Variants in CTNNA3 observed in about 807,000 individuals in gnomAD.
CTNNA3 encodes the protein catenin alpha-3.
CTNNA3 carries 76 observed loss-of-function variants against 95.7 expected under a neutral mutation model. That is an observed-to-expected ratio of 0.79 (90% CI 0.66 to 0.96). The LOEUF (loss-of-function observed/expected upper bound fraction) is 0.96, where lower values mean the gene tolerates loss of function less well. CTNNA3 is among the 40% of genes least tolerant of loss of function. CTNNA3 has a pLI of 0.00. For synonymous variants in CTNNA3, 431 were observed against 374.4 expected (o/e 1.15, Z -1.74); for missense variants, 1,191 against 1,089.8 (o/e 1.09, Z -1.31).
intron 5 of CTNNA3, among the ~76,000 whole-genome samples, chr10:67,387,116 C>T (rs1039201222): frequency 3.3e-4 from 51 of 152,262 alleles, no homozygotes; most frequent in African/African-American, 1.1e-3. Flanking sequence ...ACGCAGAAGA[C>T]GGGTGATTTC....
At position 67,497,838 on chromosome 10, in the gene CTNNA3, T is replaced by C. The variant is rs188873361; in HGVS notation, c.579+24004A>G. Among the ~76,000 whole-genome samples the C allele has an allele frequency of 3.7e-3, 481 of 131,348 alleles. 15 individuals carry two copies. Among genetic ancestry groups the C allele is most frequent in the Admixed American group, 0.024 (319 of 13,526 alleles). The allele number at this position is 131,348 out of a possible 152,430, so 86.2% of individuals were successfully genotyped here. ...CTTATAGATTCTGGATGTTGGCCCT[T>C]TGTCAGATGGATAGGTTGCAAAAAT... On this transcript the variant is annotated intron_variant, in intron 5 of 17. Coordinates refer to ENST00000433211, the MANE Select transcript of CTNNA3 (RefSeq NM_013266.4).
At chr10:66,458,833 G>A (rs1219889863) in intron 11 of CTNNA3, among the ~76,000 whole-genome samples, 1 of 152,158 alleles carries the variant, frequency 6.6e-6, no homozygotes, top group East Asian at 1.9e-4. Flanking sequence ...CCCGTGAAGA[G>A]CATTTGGGCG....
intron 7 of CTNNA3, among the ~76,000 whole-genome samples, chr10:66,784,967 C>G (rs768263152): frequency 1.7e-4 from 26 of 152,130 alleles, no homozygotes; most frequent in Non-Finnish European, 2.9e-4. Context: ...AGGAGGTCGG[C>G]TACTTGCTGA....
chr10:67,348,936 C>G (rs530986051), intron 5 of CTNNA3, among the ~76,000 whole-genome samples: 1 of 152,224 alleles, frequency 6.6e-6, no homozygotes, highest in Non-Finnish European at 1.5e-5. Flanking sequence ...CAGACTATGT[C>G]ACAGTATCTA....
At chr10:65,998,671 G>A (rs1229475734) in intron 15 of CTNNA3, among the ~76,000 whole-genome samples, 1 of 152,146 alleles carries the variant, frequency 6.6e-6, no homozygotes, top group African/African-American at 2.4e-5. Flanking sequence ...AAATACAGTT[G>A]CTTAAGAAAA....
intron 5 of CTNNA3, among the ~76,000 whole-genome samples, chr10:67,338,763 G>A (rs930464386): frequency 2.0e-5 from 3 of 152,174 alleles, no homozygotes; most frequent in African/African-American, 7.2e-5. Context: ...ACTTAAGATG[G>A]ATGAGGTAAA....
chr10:66,746,016 T>C (rs926597101), intron 9 of CTNNA3, among the ~76,000 whole-genome samples: 1 of 152,144 alleles, frequency 6.6e-6, no homozygotes, highest in Non-Finnish European at 1.5e-5. Flanking sequence ...AATTGAGATA[T>C]CTGGTAGTCA....
At chr10:66,222,624 A>G (rs2054383) in intron 13 of CTNNA3, among the ~76,000 whole-genome samples, 12,338 of 135,624 alleles carry the variant, frequency 0.091, 636 homozygotes, top group Middle Eastern at 0.16. Flanking sequence ...AAGAAAGAAA[A>G]AGAAAGAAAG....
At chr10:67,050,792 T>C (rs1170527129) in intron 7 of CTNNA3, among the ~76,000 whole-genome samples, 3 of 152,246 alleles carry the variant, frequency 2.0e-5, no homozygotes, top group Non-Finnish European at 4.4e-5. Flanking sequence ...TAGGTTGTGA[T>C]TGATGTTGAT....
chr10:66,388,666 G>A (rs115801133), intron 11 of CTNNA3, among the ~76,000 whole-genome samples: 2,444 of 146,994 alleles, frequency 0.017, 70 homozygotes, highest in African/African-American at 0.06. Flanking sequence ...CATATGATAT[G>A]AAAAAATTAT....
At chr10:66,261,568 A>C (rs1455887453) in intron 13 of CTNNA3, among the ~76,000 whole-genome samples, 1 of 152,092 alleles carries the variant, frequency 6.6e-6, no homozygotes, top group African/African-American at 2.4e-5. Context: ...TCAGGGGTTA[A>C]CAAGAATTCT....
intron 7 of CTNNA3, among the ~76,000 whole-genome samples, chr10:67,126,578 C>CA (rs1445834890): frequency 6.6e-6 from 1 of 152,114 alleles, no homozygotes; most frequent in Non-Finnish European, 1.5e-5. Context: ...AAAAAGAATA[C>CA]AAAATTATAA....
At chr10:66,006,082 G>A (rs1426604002) in intron 15 of CTNNA3, among the ~76,000 whole-genome samples, 1 of 147,112 alleles carries the variant, frequency 6.8e-6, no homozygotes, top group Non-Finnish European at 1.5e-5. Flanking sequence ...GCACGATCTC[G>A]GCTCAGTGCA....
chr10:66,560,507 A>G (rs1376160012), intron 10 of CTNNA3, among the ~76,000 whole-genome samples: 1 of 152,090 alleles, frequency 6.6e-6, no homozygotes, highest in Non-Finnish European at 1.5e-5. Flanking sequence ...ACAGGTATCA[A>G]GAGTTCACAG....
chr10:66,690,861 T>C (rs988123149), intron 9 of CTNNA3, among the ~76,000 whole-genome samples: 5 of 152,292 alleles, frequency 3.3e-5, no homozygotes, highest in African/African-American at 7.2e-5. Context: ...CTGGGTCAAA[T>C]GGTATTTCTA....
chr10:66,057,647 G>A (rs1806785225), intron 15 of CTNNA3, among the ~76,000 whole-genome samples: 1 of 152,044 alleles, frequency 6.6e-6, no homozygotes, highest in Non-Finnish European at 1.5e-5. Context: ...TATTTACAGG[G>A]AGAATATTTA....
At chr10:66,426,361 G>C (rs1394269887) in intron 11 of CTNNA3, among the ~76,000 whole-genome samples, 1 of 152,046 alleles carries the variant, frequency 6.6e-6, no homozygotes, top group Admixed American at 6.6e-5. Flanking sequence ...AAAGGTAGAA[G>C]TGAAGTATAT....
rs369933545 is a variant in CTNNA3, at chr10:66,643,801, C to A, written c.1282-22017G>T. ...AGACATATCCCTTCTCTTCATTCTA[C>A]CTTTGTTAGGTATATTTTTCTATTT... On this transcript the variant is annotated intron_variant, in intron 9 of 17. Transcript: ENST00000433211. Among the ~76,000 whole-genome samples the A allele has an allele frequency of 3.9e-5, 6 of 152,230 alleles. No individual in the cohort carries two copies. The East Asian group carries it at 5.8e-4, about 15-fold the overall frequency.
chr10:67,088,907 C>T lies in CTNNA3; in HGVS notation c.1047+91410G>A, dbSNP rs570830240. Among the ~76,000 whole-genome samples, 6 of 151,736 alleles carry T rather than the reference C, an allele frequency of 4.0e-5. No homozygotes were observed. In the South Asian group the frequency reaches 1.3e-3, roughly 32 times the overall value. On this transcript the variant is annotated intron_variant, in intron 7 of 17. Coordinates refer to ENST00000433211, the MANE Select transcript of CTNNA3 (RefSeq NM_013266.4). ...CAACTAACTGCAAATTGAAAATATA[C>T]AAGAGAAAAACAAACAATAAAAAAT...
Sources: allele counts gnomAD v4.1 joint callset (sites outside exome capture counted in the v4.1 genomes callset), GRCh38; gene constraint gnomAD v4.1.1; transcripts MANE v1.5; gene names NCBI Gene and HGNC (gene_info 2026-07-23, HGNC 2026-07-21).